Variants in ZDHHC14 observed in about 807,000 individuals in gnomAD.
ZDHHC14 encodes the protein palmitoyltransferase ZDHHC14.
A neutral mutation model predicts 47.7 loss-of-function variants in ZDHHC14; 16 were observed. That is an observed-to-expected ratio of 0.34 (90% CI 0.23 to 0.51). The LOEUF is 0.51. Ranked by LOEUF, ZDHHC14 falls within the 20% of genes least tolerant of loss-of-function variation. The probability of loss-of-function intolerance (pLI) is 0.97; values close to 1 mark genes in which losing one functional copy is unlikely to be tolerated. For synonymous variants in ZDHHC14, 293 were observed against 278.9 expected (o/e 1.05, Z -0.50); for missense variants, 515 against 662.5 (o/e 0.78, Z 2.44).
chr6:157,427,971 A>G lies in ZDHHC14; in HGVS notation c.245+45705A>G, dbSNP rs1365979978. On this transcript the variant is annotated intron_variant, in intron 1 of 8. Coordinates refer to ENST00000359775, the MANE Select transcript of ZDHHC14 (RefSeq NM_024630.3). The surrounding 1 kb of genome is among the most constrained non-coding windows in gnomAD (Gnocchi z 4.4). ...CTCCTGGAGGGCTGTTCTGTCATTG[A>G]TATGTGCTGTGTTCACTTATCCATG... 1.3e-5 allele frequency among the ~76,000 whole-genome samples: 2 copies of G among 152,094 alleles called. No homozygotes were observed. The highest frequency in any genetic ancestry group is 3.9e-4 in the East Asian group (2 of 5,194).
At chr6:157,435,509 G>A (rs1778421451) in intron 1 of ZDHHC14, among the ~76,000 whole-genome samples, 1 of 152,032 alleles carries the variant, frequency 6.6e-6, no homozygotes. Context: ...AGTAAGGTGG[G>A]CACCCTCCTT....
intron 1 of ZDHHC14, among the ~76,000 whole-genome samples, chr6:157,519,824 G>A (rs1780852653): frequency 6.6e-6 from 1 of 152,200 alleles, no homozygotes; most frequent in Non-Finnish European, 1.5e-5. Flanking sequence ...GCTAGGTACT[G>A]AGGATAAAAT....
intron 7 of ZDHHC14, among the ~76,000 whole-genome samples, chr6:157,650,650 A>AAAGAGAGAGAGAGAGC (rs765716499): frequency 7.8e-6 from 1 of 127,848 alleles, no homozygotes; most frequent in Non-Finnish European, 1.8e-5. Flanking sequence ...ATTAAAAAAA[A>AAAGAGAGAGAGAGAGC]AAGAGAGAGA....
intron 1 of ZDHHC14, among the ~76,000 whole-genome samples, chr6:157,465,870 C>T (rs561030135): frequency 1.4e-4 from 21 of 152,200 alleles, no homozygotes; most frequent in African/African-American, 4.3e-4. Flanking sequence ...GGCGAAACCC[C>T]GTCCCTACTA....
In ZDHHC14 at chr6:157,420,618, C is replaced by T. The variant is rs1778080856; in HGVS notation, c.245+38352C>T. ...AAGTGGTGGGCCATTACCAGTGCGA[C>T]TGAGTGGCCTCGGTCAGCTTTGAGC... On this transcript the variant is annotated intron_variant, in intron 1 of 8. Coordinates refer to ENST00000359775, the MANE Select transcript of ZDHHC14 (RefSeq NM_024630.3). Among the ~76,000 whole-genome samples the T allele has an allele frequency of 2.0e-5, 3 of 152,186 alleles. No individual in the cohort carries two copies. In the South Asian group the frequency reaches 6.2e-4, roughly 32 times the overall value.
chr6:157,452,124 T>C (rs940978446), intron 1 of ZDHHC14, among the ~76,000 whole-genome samples: 2 of 152,202 alleles, frequency 1.3e-5, no homozygotes, highest in African/African-American at 4.8e-5. Flanking sequence ...GGTGCCCCAC[T>C]AGCCCCTCCT....
At chr6:157,482,343 T>G (rs1272513741) in intron 1 of ZDHHC14, among the ~76,000 whole-genome samples, 2 of 145,638 alleles carry the variant, frequency 1.4e-5, no homozygotes, top group Non-Finnish European at 3.0e-5. Flanking sequence ...TCACTCTGCC[T>G]CCCATGTTCA....
At chr6:157,443,764 T>C (rs1778605095) in intron 1 of ZDHHC14, among the ~76,000 whole-genome samples, 1 of 152,220 alleles carries the variant, frequency 6.6e-6, no homozygotes, top group East Asian at 1.9e-4. Context: ...GATCGACTCA[T>C]GTTTGAATCC....
At chr6:157,422,309 T>A (rs570091615) in intron 1 of ZDHHC14, among the ~76,000 whole-genome samples, 74 of 152,172 alleles carry the variant, frequency 4.9e-4, no homozygotes, top group Admixed American at 4.8e-3. Flanking sequence ...AGAGAAACAA[T>A]GCAAATTGTA....
At chr6:157,452,690 ATTTTTTTTT>A (rs747862336) in intron 1 of ZDHHC14, among the ~76,000 whole-genome samples, 4 of 72,956 alleles carry the variant, frequency 5.5e-5, no homozygotes, top group Admixed American at 1.9e-4. Context: ...ATACATGGGG[ATTTTTTTTT>A]TTTTTTTTTT....
chr6:157,447,241 G>A (rs1273507408), intron 1 of ZDHHC14, among the ~76,000 whole-genome samples: 1 of 152,274 alleles, frequency 6.6e-6, no homozygotes, highest in Non-Finnish European at 1.5e-5. Flanking sequence ...GGGCCAGGGA[G>A]GCCCCTGTTC....
intron 8 of ZDHHC14, among the ~76,000 whole-genome samples, chr6:157,667,096 A>G (rs1778585254): frequency 6.6e-6 from 1 of 152,246 alleles, no homozygotes; most frequent in Non-Finnish European, 1.5e-5. Context: ...AAAATTGGTA[A>G]TGTCATATGA....
At chr6:157,638,515 G>C (rs2114969307) in intron 5 of ZDHHC14, among the ~76,000 whole-genome samples, 1 of 151,914 alleles carries the variant, frequency 6.6e-6, no homozygotes, top group South Asian at 2.1e-4. Flanking sequence ...AAAAGGGACT[G>C]GGCCCTCTGT....
At chr6:157,484,329 G>GTA (rs1779716264) in intron 1 of ZDHHC14, among the ~76,000 whole-genome samples, 4 of 84,256 alleles carry the variant, frequency 4.7e-5, no homozygotes, top group Non-Finnish European at 7.3e-5. Flanking sequence ...ATATATATAC[G>GTA]TATATATACA....
chr6:157,439,022 T>C (rs530247750), intron 1 of ZDHHC14, among the ~76,000 whole-genome samples: 1 of 152,348 alleles, frequency 6.6e-6, no homozygotes, highest in African/African-American at 2.4e-5. Context: ...AAAGAGTTTT[T>C]CTGGCAGTTC....
chr6:157,453,788 T>TTGTGTGTGTGTGTGTG lies in ZDHHC14; in HGVS notation c.245+71536_245+71551dup, dbSNP rs371025248. ...TTCTAAGGCCATTGTTTTTTGTGTT[T>TTGTGTGTGTGTGTGTG]TGTGTGTGTGTGTGTGTGTGTGTGT... On this transcript the variant is annotated intron_variant, in intron 1 of 8. Transcript: ENST00000359775. Among the ~76,000 whole-genome samples the TTGTGTGTGTGTGTGTG allele has an allele frequency of 3.8e-3, 559 of 148,178 alleles. 3 individuals are homozygous for TTGTGTGTGTGTGTGTG. Among genetic ancestry groups the TTGTGTGTGTGTGTGTG allele is most frequent in the Middle Eastern group, 0.014 (4 of 290 alleles).
chr6:157,389,847 A>G (rs1261208443), intron 1 of ZDHHC14, among the ~76,000 whole-genome samples: 1 of 149,916 alleles, frequency 6.7e-6, no homozygotes, highest in East Asian at 1.9e-4. Context: ...ATTTTTAAAC[A>G]ATCAATAGCT....
At chr6:157,385,818 TTAA>T (rs1777298340) in intron 1 of ZDHHC14, among the ~76,000 whole-genome samples, 1 of 152,194 alleles carries the variant, frequency 6.6e-6, no homozygotes, top group Admixed American at 6.5e-5. Flanking sequence ...AGGGTACTGG[TTAA>T]AGGCATGGAT....
chr6:157,430,363 G>A (rs1583638099), intron 1 of ZDHHC14, among the ~76,000 whole-genome samples: 1 of 151,242 alleles, frequency 6.6e-6, no homozygotes, highest in East Asian at 1.9e-4. Context: ...AGTTTTGGAG[G>A]TAGGAAGTCC....
Sources: allele counts gnomAD v4.1 joint callset (sites outside exome capture counted in the v4.1 genomes callset), GRCh38; gene constraint gnomAD v4.1.1; non-coding constraint Gnocchi (gnomAD v3.1); transcripts MANE v1.5; gene names NCBI Gene and HGNC (gene_info 2026-07-23, HGNC 2026-07-21).